The following MYO5B variants were observed in gnomAD, a reference collection of about 807,000 sequenced individuals.
MYO5B encodes the protein myosin VB.
In MYO5B, 143 loss-of-function variants were observed where a neutral mutation model predicts 229.3. The ratio of observed to expected loss-of-function variants is 0.62; its 90% CI spans 0.54 to 0.72. MYO5B has a LOEUF of 0.72. MYO5B is among the 30% of genes least tolerant of loss of function. The probability of loss-of-function intolerance (pLI) is 0.00; values close to 1 mark genes in which losing one functional copy is unlikely to be tolerated. For synonymous variants in MYO5B, 918 were observed against 885.2 expected (o/e 1.04, Z -0.66); for missense variants, 2,321 against 2,331.0 (o/e 1.00, Z 0.09).
intron 6 of MYO5B, 139 bp downstream of exon 6, chr18:49,992,144 AAAGAT>A: frequency 8.4e-7 from 1 of 1,183,574 alleles, no homozygotes; most frequent in Non-Finnish European, 1.3e-6. Context: ...CTTACTGATA[AAAGAT>A]AAGAACCAAA....
At chr18:49,986,455 G>A (rs1433207110) in intron 7 of MYO5B, among the ~76,000 whole-genome samples, 6 of 152,192 alleles carry the variant, frequency 3.9e-5, no homozygotes, top group Non-Finnish European at 8.8e-5. Flanking sequence ...CAAATAATGA[G>A]AACATCAGTT....
chr18:50,095,650 G>C (rs2031536161), intron 1 of MYO5B, among the ~76,000 whole-genome samples: 1 of 152,208 alleles, frequency 6.6e-6, no homozygotes, highest in Non-Finnish European at 1.5e-5. Context: ...TTTCAGGAAA[G>C]AGTCAGAAAT....
chr18:50,123,098 G>A (rs77221723), intron 1 of MYO5B, among the ~76,000 whole-genome samples: 12,344 of 152,246 alleles, frequency 0.081, 632 homozygotes, highest in Non-Finnish European at 0.12. Context: ...GAGAAAATGC[G>A]GTACATCCCT....
At chr18:49,992,648 G>A (rs527783671) in intron 5 of MYO5B, among the ~76,000 whole-genome samples, 215 of 152,238 alleles carry the variant, frequency 1.4e-3, no homozygotes, top group African/African-American at 4.8e-3. Context: ...TGAGAGTAAC[G>A]AGTTCATTGG....
intron 38 of MYO5B, 114 bp downstream of exon 38, chr18:49,836,597 T>C: frequency 3.3e-6 from 4 of 1,204,994 alleles, no homozygotes; most frequent in Non-Finnish European, 4.9e-6. Flanking sequence ...TCATTAGGGG[T>C]ATATAAAGGG....
At chr18:50,159,313 C>T (rs2032728482) in intron 1 of MYO5B, among the ~76,000 whole-genome samples, 2 of 151,918 alleles carry the variant, frequency 1.3e-5, no homozygotes, top group African/African-American at 2.4e-5. Context: ...CCTCTACTTT[C>T]TAACTCTGAT....
intron 39 of MYO5B, among the ~76,000 whole-genome samples, chr18:49,833,555 T>C (rs1374434395): frequency 6.6e-6 from 1 of 152,240 alleles, no homozygotes; most frequent in East Asian, 1.9e-4. Flanking sequence ...CTCCATTATA[T>C]TTTCCCTTTG....
rs1326187385 is a variant in MYO5B at position 50,040,267 on chromosome 18, T to C, written c.186A>G (p.Leu62=). 3.7e-6 allele frequency: 6 copies of C among 1,613,838 alleles called. No homozygotes were observed. Among genetic ancestry groups the C allele is most frequent in the Non-Finnish European group, 4.2e-6 (5 of 1,179,964 alleles). The change falls in exon 3 of 40, where the codon TTA becomes TTG. Residue 62 remains leucine (L), a synonymous_variant. Transcript: ENST00000285039. ...IDVQRNQLPF[L]RNPDILVGEN... is the part of the protein sequence containing the mutation. ...CTCCCACCAAGATATCTGGATTCCG[T>C]AAGAAGGGCAGCTGGTTGCGTTGTA...
intron 6 of MYO5B, 76 bp downstream of exon 6, chr18:49,992,212 G>A: frequency 6.3e-7 from 1 of 1,585,062 alleles, no homozygotes; most frequent in Non-Finnish European, 8.7e-7. Context: ...TTTGGGTCCA[G>A]GGAGTGGGGC....
At chr18:50,079,263 T>C (rs1293546119) in intron 1 of MYO5B, among the ~76,000 whole-genome samples, 1 of 152,272 alleles carries the variant, frequency 6.6e-6, no homozygotes, top group Non-Finnish European at 1.5e-5. Flanking sequence ...ATTTTCCGTC[T>C]TGCTTTACAC....
chr18:49,835,834 C>A (rs2023980888), intron 38 of MYO5B, among the ~76,000 whole-genome samples: 1 of 152,164 alleles, frequency 6.6e-6, no homozygotes, highest in Non-Finnish European at 1.5e-5. Flanking sequence ...CCCCTGTCCC[C>A]CAACATTGTT....
At chr18:49,983,614 G>C (rs2025839629) in intron 8 of MYO5B, among the ~76,000 whole-genome samples, 1 of 152,210 alleles carries the variant, frequency 6.6e-6, no homozygotes, top group Non-Finnish European at 1.5e-5. Flanking sequence ...GCTACTTCTG[G>C]ACCCTCTATA....
chr18:50,053,383 T>C (rs950186624), intron 2 of MYO5B, among the ~76,000 whole-genome samples: 4 of 152,218 alleles, frequency 2.6e-5, no homozygotes, highest in African/African-American at 7.2e-5. Context: ...GCATCTGCTC[T>C]GTTTTAGCAA....
intron 1 of MYO5B, among the ~76,000 whole-genome samples, chr18:50,173,168 T>C (rs1160059982): frequency 6.6e-6 from 1 of 151,372 alleles, no homozygotes; most frequent in Non-Finnish European, 1.5e-5. Flanking sequence ...GGGAGGCTGA[T>C]GTAGGAGAAT....
rs143409658 is a variant in MYO5B, at chr18:50,189,330, T to C, written c.27+5437A>G. On this transcript the variant is annotated intron_variant, in intron 1 of 39. Transcript: ENST00000285039. ...GGAAGGAAGTCAAGCTAACATGTGATACTAAGGAAAGTCCCAAGCATGGTA... is the reference window on the plus strand; with the variant it reads ...GGAAGGAAGTCAAGCTAACATGTGACACTAAGGAAAGTCCCAAGCATGGTA... Among the ~76,000 whole-genome samples the C allele has an allele frequency of 5.9e-5, 9 of 152,286 alleles. No individual in the cohort carries two copies. The East Asian group carries it at 1.7e-3, about 29-fold the overall frequency.
chr18:50,090,132 T>C (rs1437487210), intron 1 of MYO5B, among the ~76,000 whole-genome samples: 1 of 152,100 alleles, frequency 6.6e-6, no homozygotes, highest in Non-Finnish European at 1.5e-5. Context: ...ATCCACTCCT[T>C]AAAACTACTC....
In MYO5B at chr18:50,062,911, G is replaced by A. The variant is rs139216260; in HGVS notation, c.28-7533C>T. Among the ~76,000 whole-genome samples, 1,309 of 152,294 alleles carry A rather than the reference G, an allele frequency of 8.6e-3. 7 individuals carry two copies. The highest frequency in any genetic ancestry group is 0.013 in the Non-Finnish European group (859 of 68,030). ...ATCAGGTAAGAGTCTACACTTCTGA[G>A]GCTCGGCTTCCTCAGAAGGTATTTC... On this transcript the variant is annotated intron_variant, in intron 1 of 39. Coordinates refer to ENST00000285039, the MANE Select transcript of MYO5B (RefSeq NM_001080467.3).
Position 49,937,355 on chromosome 18 carries a change from C to T in MYO5B, c.1795G>A (p.Val599Ile), listed in dbSNP as rs1242766204. The T allele has an allele frequency of 6.2e-7, 1 of 1,614,156 alleles. No individual in the cohort carries two copies. Among genetic ancestry groups the T allele is most frequent in the Admixed American group, 1.7e-5 (1 of 60,016 alleles). ...ADLFHDDKDPVPATTPGKGSS... is the reference protein window; with the variant it reads ...ADLFHDDKDPIPATTPGKGSS... ...CCCTTCCCAGGGGTGGTGGCAGGAA[C>T]AGGGTCCTTGTCATCATGAAACAAG... Residue 599 changes from valine (V) to isoleucine (I), a missense_variant, in exon 15 of 40, where the codon GTT (valine) becomes ATT (isoleucine). Physicochemically the swap from Val to Ile is conservative, Grantham distance 29. Around this residue, in one of 2 missense-constraint regions of MYO5B, gnomAD observed 2,113 missense variants for 2,044.7 expected, o/e 1.03. Transcript: ENST00000285039.
At chr18:50,087,567 C>T (rs1194360966) in intron 1 of MYO5B, among the ~76,000 whole-genome samples, 2 of 123,538 alleles carry the variant, frequency 1.6e-5, no homozygotes, top group African/African-American at 6.7e-5. Flanking sequence ...AGGAAGACTC[C>T]ATCTCAAAAA....
Sources: allele counts gnomAD v4.1 joint callset (sites outside exome capture counted in the v4.1 genomes callset), GRCh38; gene constraint gnomAD v4.1.1; regional missense constraint gnomAD v4.1.1; transcripts MANE v1.5; gene names NCBI Gene and HGNC (gene_info 2026-07-23, HGNC 2026-07-21).